FRMD4B: variants seen among roughly 807,000 people sequenced by gnomAD.
FRMD4B encodes FERM domain-containing protein 4B.
A neutral mutation model predicts 141.5 loss-of-function variants in FRMD4B; 74 were observed. That is an observed-to-expected ratio of 0.52 (90% confidence interval 0.43 to 0.63). FRMD4B has a LOEUF of 0.63. Among genes scored for constraint, FRMD4B ranks in the 30% least tolerant of loss-of-function variants. FRMD4B has a pLI of 0.00. For synonymous variants in FRMD4B, 506 were observed against 467.9 expected (o/e 1.08, Z -1.05); for missense variants, 1,366 against 1,253.4 (o/e 1.09, Z -1.36).
chr3:69,190,807 T>C (rs2092827355), intron 17 of FRMD4B, among the ~76,000 whole-genome samples: 1 of 152,194 alleles, frequency 6.6e-6, no homozygotes, highest in South Asian at 2.1e-4. Context: ...CATTATAGGA[T>C]TTCCAGCCTC....
At chr3:69,506,784 T>C (rs1203675323) in intron 1 of FRMD4B, among the ~76,000 whole-genome samples, 1 of 151,478 alleles carries the variant, frequency 6.6e-6, no homozygotes, top group Non-Finnish European at 1.5e-5. Flanking sequence ...ACTCAAACAA[T>C]TCTCCTGCCT....
At chr3:69,292,248 C>T (rs1700898496) in intron 4 of FRMD4B, among the ~76,000 whole-genome samples, 1 of 152,094 alleles carries the variant, frequency 6.6e-6, no homozygotes, top group African/African-American at 2.4e-5. Context: ...ATCCATAGAA[C>T]TAAGCACCAC....
Position 69,181,707 on chromosome 3 carries a change from G to A in FRMD4B, c.2043C>T (p.Pro681=), listed in dbSNP as rs576694870. The part of the protein sequence containing the change: ...RNAYSSSHLE[P]ESSSQHCRQR... Reference sequence around the variant, plus strand: ...GGCGGCAGTGCTGAGATGAAGATTCGGGTCTGAAAGAGGAGAAAGGCAAAC... The same window carrying A: ...GGCGGCAGTGCTGAGATGAAGATTCAGGTCTGAAAGAGGAGAAAGGCAAAC... Residue 681 remains proline, a synonymous_variant, in exon 21 of 23, where the codon CCC becomes CCT. Transcript: ENST00000398540. 82 of 1,602,366 alleles carry A rather than the reference G, an allele frequency of 5.1e-5. No homozygotes were observed. The highest frequency in any genetic ancestry group is 6.5e-5 in the Non-Finnish European group (76 of 1,173,260).
At chr3:69,330,314 A>G (rs1295517076) in intron 1 of FRMD4B, among the ~76,000 whole-genome samples, 2 of 135,388 alleles carry the variant, frequency 1.5e-5, no homozygotes, top group South Asian at 2.4e-4. Context: ...TTCAAGGTAT[A>G]CAACATTATA....
intron 1 of FRMD4B, among the ~76,000 whole-genome samples, chr3:69,320,436 T>C (rs1198295101): frequency 2.6e-5 from 4 of 151,758 alleles, no homozygotes. Context: ...CTACAAAAAA[T>C]TAAGAAATTA....
chr3:69,437,373 A>G (rs73109497), intron 1 of FRMD4B, among the ~76,000 whole-genome samples: 39,321 of 150,980 alleles, frequency 0.26, 5,665 homozygotes, highest in East Asian at 0.47. Context: ...TGCCTGGCCA[A>G]TTGTAATTTT....
At chr3:69,258,947 A>T (rs1003485737) in intron 5 of FRMD4B, among the ~76,000 whole-genome samples, 1 of 152,206 alleles carries the variant, frequency 6.6e-6, no homozygotes, top group Non-Finnish European at 1.5e-5. Context: ...ACCAGGGACC[A>T]GTTTTGTAGA....
At chr3:69,189,222 C>CAAAAA (rs71115659) in intron 18 of FRMD4B, among the ~76,000 whole-genome samples, 25 of 39,670 alleles carry the variant, frequency 6.3e-4, no homozygotes, top group African/African-American at 1.2e-3. Flanking sequence ...AACTCCATCT[C>CAAAAA]AAAAAAAAAA....
At chr3:69,226,323 A>G (rs916314966) in intron 7 of FRMD4B, among the ~76,000 whole-genome samples, 1 of 152,026 alleles carries the variant, frequency 6.6e-6, no homozygotes, top group African/African-American at 2.4e-5. Flanking sequence ...ATCAAAATAT[A>G]CCACAATCCA....
At chr3:69,277,120 A>G (rs926311947) in intron 5 of FRMD4B, among the ~76,000 whole-genome samples, 1 of 152,136 alleles carries the variant, frequency 6.6e-6, no homozygotes, top group African/African-American at 2.4e-5. Flanking sequence ...CAATAACCCT[A>G]TTTTTTAATA....
intron 5 of FRMD4B, among the ~76,000 whole-genome samples, chr3:69,265,534 C>T (rs1398477145): frequency 2.8e-5 from 4 of 143,788 alleles, no homozygotes; most frequent in Admixed American, 7.1e-5. Context: ...CTGCAAGCTC[C>T]GCCGCCCGGT....
chr3:69,182,101 T>G (rs748750436), intron 20 of FRMD4B, among the ~76,000 whole-genome samples: 1 of 152,190 alleles, frequency 6.6e-6, no homozygotes, highest in East Asian at 1.9e-4. Flanking sequence ...TACATTCGAG[T>G]GGAGGTCAGA....
intron 1 of FRMD4B, among the ~76,000 whole-genome samples, chr3:69,383,618 G>T (rs1704176054): frequency 6.6e-6 from 1 of 152,210 alleles, no homozygotes; most frequent in African/African-American, 2.4e-5. Context: ...GAAGTGCAGT[G>T]GGACAATTAT....
At chr3:69,174,560 C>T (rs985521821) in intron 22 of FRMD4B, among the ~76,000 whole-genome samples, 9 of 152,266 alleles carry the variant, frequency 5.9e-5, no homozygotes, top group South Asian at 2.1e-4. Context: ...TATATGCACA[C>T]GCATACACAA....
At chr3:69,493,265 C>G (rs571170949) in intron 1 of FRMD4B, among the ~76,000 whole-genome samples, 1 of 152,200 alleles carries the variant, frequency 6.6e-6, no homozygotes, top group East Asian at 1.9e-4. Context: ...ATCTTACTGC[C>G]TCAAGTATTT....
intron 4 of FRMD4B, among the ~76,000 whole-genome samples, chr3:69,295,332 T>C (rs931960542): frequency 6.6e-6 from 1 of 152,146 alleles, no homozygotes; most frequent in African/African-American, 2.4e-5. Flanking sequence ...AGTGTTATTG[T>C]TTATTTTGAG....
At chr3:69,180,106 A>G (rs1258773481) in intron 21 of FRMD4B, among the ~76,000 whole-genome samples, 1 of 152,108 alleles carries the variant, frequency 6.6e-6, no homozygotes, top group Non-Finnish European at 1.5e-5. Flanking sequence ...CTGAATTACA[A>G]TATGCATGGC....
At chr3:69,478,229 T>G (rs931736889) in intron 1 of FRMD4B, among the ~76,000 whole-genome samples, 4 of 152,202 alleles carry the variant, frequency 2.6e-5, no homozygotes, top group Non-Finnish European at 5.9e-5. Flanking sequence ...ATTTTAGTTA[T>G]TTCTTGCCTT....
At chr3:69,313,936 G>C (rs373746458) in intron 1 of FRMD4B, among the ~76,000 whole-genome samples, 2 of 148,754 alleles carry the variant, frequency 1.3e-5, no homozygotes, top group Admixed American at 6.7e-5. Flanking sequence ...TCAGGAGATC[G>C]AGACCATCCT....
Sources: allele counts gnomAD v4.1 joint callset (sites outside exome capture counted in the v4.1 genomes callset), GRCh38; gene constraint gnomAD v4.1.1; transcripts MANE v1.5; gene names NCBI Gene and HGNC (gene_info 2026-07-23, HGNC 2026-07-21).